ERI1: variants seen among roughly 807,000 people sequenced by gnomAD.
The protein encoded by ERI1 is exoribonuclease 1, also known as 3'-5' exoribonuclease 1.
Under a neutral mutation model 39.7 loss-of-function variants are expected in ERI1, and 39 were observed. The ratio of observed to expected loss-of-function variants is 0.98; its 90% CI spans 0.76 to 1.28. ERI1 has a LOEUF of 1.28. Among genes scored for constraint, ERI1 ranks in the 50% most tolerant of loss-of-function variants. The pLI is 0.00. For synonymous variants in ERI1, 204 were observed against 149.6 expected (o/e 1.36, Z -2.65); for missense variants, 581 against 416.9 (o/e 1.39, Z -3.43).
intron 3 of ERI1, among the ~76,000 whole-genome samples, chr8:9,082,258 T>C (rs1160781566): frequency 1.3e-5 from 2 of 152,208 alleles, no homozygotes; most frequent in African/African-American, 4.8e-5. Flanking sequence ...TTCCTCTTAC[T>C]CCTTTTACCA....
At chr8:9,052,664 C>G (rs1215619612) in intron 3 of ERI1, among the ~76,000 whole-genome samples, 2 of 152,186 alleles carry the variant, frequency 1.3e-5, no homozygotes, top group African/African-American at 2.4e-5. Flanking sequence ...AAACTGCAAT[C>G]AAGAGATTTA....
At position 9,009,887 on chromosome 8, in the gene ERI1, G is replaced by T. The variant is rs78842105; in HGVS notation, c.288-1655G>T. 8.8e-3 allele frequency among the ~76,000 whole-genome samples: 1,347 copies of T among 152,312 alleles called. 19 individuals are homozygous for T. The highest frequency in any genetic ancestry group is 0.031 in the African/African-American group (1,293 of 41,552). On this transcript the variant is annotated intron_variant, in intron 2 of 6. Transcript: ENST00000250263. Reference sequence around the variant, plus strand: ...AGTACACAGTATACCTCAGGAACATGTGACAATGATAGTGAAATGATAGGT... The same window carrying T: ...AGTACACAGTATACCTCAGGAACATTTGACAATGATAGTGAAATGATAGGT...
At chr8:9,046,221 G>C (rs1442775427) in intron 3 of ERI1, among the ~76,000 whole-genome samples, 1 of 152,172 alleles carries the variant, frequency 6.6e-6, no homozygotes, top group Non-Finnish European at 1.5e-5. Flanking sequence ...CCTGAGAAGC[G>C]GTTCTGAAAG....
chr8:9,071,107 TG>T (rs1417911583), intron 3 of ERI1, among the ~76,000 whole-genome samples: 1 of 152,232 alleles, frequency 6.6e-6, no homozygotes, highest in African/African-American at 2.4e-5. Flanking sequence ...AGAGAACTGT[TG>T]CTAAGATTAT....
chr8:9,046,816 A>G (rs1013789721), intron 3 of ERI1, among the ~76,000 whole-genome samples: 1 of 152,172 alleles, frequency 6.6e-6, no homozygotes, highest in African/African-American at 2.4e-5. Flanking sequence ...CACTCTCACA[A>G]GCAGGGCCCA....
At chr8:9,053,611 A>C (rs1798423585) in intron 3 of ERI1, among the ~76,000 whole-genome samples, 1 of 152,200 alleles carries the variant, frequency 6.6e-6, no homozygotes, top group South Asian at 2.1e-4. Flanking sequence ...ATGAACCTGA[A>C]GCAGTCATGG....
In ERI1 at chr8:9,029,402, C is replaced by A. The variant is rs945540128; in HGVS notation, c.808-390C>A. On this transcript the variant is annotated intron_variant, in intron 6 of 6. Transcript: ENST00000250263. ...GGAGTGCATTGGCATGATCTCAGCT[C>A]GCTGCAGCCTCCACCTCCCAGGTTC... Among the ~76,000 whole-genome samples, 13 of 152,144 alleles carry A rather than the reference C, an allele frequency of 8.5e-5. 1 individual carries two copies. Among genetic ancestry groups the A allele is most frequent in the Admixed American group, 2.6e-4 (4 of 15,270 alleles).
chr8:9,095,805 C>T (rs372067249), intron 3 of ERI1, among the ~76,000 whole-genome samples: 6 of 152,082 alleles, frequency 3.9e-5, no homozygotes, highest in African/African-American at 7.2e-5. Context: ...ACACTGCGCT[C>T]GGCCAGGACA....
At chr8:9,055,227 A>G (rs1366608955) in intron 3 of ERI1, among the ~76,000 whole-genome samples, 4 of 152,208 alleles carry the variant, frequency 2.6e-5, no homozygotes, top group Non-Finnish European at 4.4e-5. Flanking sequence ...TTTGAATGCA[A>G]TTTAAACAGT....
At position 9,095,554 on chromosome 8, in the gene ERI1, G is replaced by A. The variant is rs112167816; in HGVS notation, n.300-20794G>A. On this transcript the variant is annotated intron_variant and non_coding_transcript_variant, in intron 3 of 3. Transcript: ENST00000518663. ...GGGGTCTCACTCTGAAACCCAGGCT[G>A]GAGTGCAGTAGCCTGATAATGGTTT... is the stretch of plus-strand genomic sequence containing the variant. Among the ~76,000 whole-genome samples the A allele has an allele frequency of 6.0e-3, 918 of 152,176 alleles. 8 individuals are homozygous for A. Among genetic ancestry groups the A allele is most frequent in the Non-Finnish European group, 1.0e-2 (678 of 68,012 alleles).
chr8:9,062,150 T>C (rs1263587620), intron 3 of ERI1, among the ~76,000 whole-genome samples: 2 of 152,144 alleles, frequency 1.3e-5, no homozygotes, highest in Non-Finnish European at 2.9e-5. Flanking sequence ...GAAAACAGGC[T>C]TTAATCTTTT....
At position 9,011,581 on chromosome 8, in the gene ERI1, T is replaced by C. The variant is rs763027684; in HGVS notation, c.327T>C (p.Tyr109=). The C allele has an allele frequency of 2.8e-5, 45 of 1,612,762 alleles. No individual in the cohort carries two copies. The highest frequency in any genetic ancestry group is 1.3e-4 in the Admixed American group (8 of 59,882). The change falls in exon 3 of 7, where the codon TAT becomes TAC. Residue 109 remains tyrosine (Y), a synonymous_variant. Transcript: ENST00000250263. ...TTCTAAAGAAGAGACTGAAAAACTATTATAAGAAGCAGAAGCTGATGCTGA... is the reference window on the plus strand; with the variant it reads ...TTCTAAAGAAGAGACTGAAAAACTACTATAAGAAGCAGAAGCTGATGCTGA... ...KDVLKKRLKN[Y]YKKQKLMLKE...
At chr8:9,053,856 C>G (rs1798430338) in intron 3 of ERI1, among the ~76,000 whole-genome samples, 1 of 152,214 alleles carries the variant, frequency 6.6e-6, no homozygotes, top group Non-Finnish European at 1.5e-5. Context: ...GCCAAGTCCT[C>G]TATTGCCTCC....
At chr8:9,049,336 C>CAAAAAAAAAAAAAAAA (rs3989371) in intron 3 of ERI1, among the ~76,000 whole-genome samples, 1 of 33,230 alleles carries the variant, frequency 3.0e-5, no homozygotes, top group Non-Finnish European at 5.3e-5. Flanking sequence ...ACTCCGTCTC[C>CAAAAAAAAAAAAAAAA]AAAAAAAAAA....
At chr8:9,013,095 A>G (rs565964242) in intron 3 of ERI1, among the ~76,000 whole-genome samples, 5 of 151,782 alleles carry the variant, frequency 3.3e-5, no homozygotes, top group African/African-American at 7.3e-5. Context: ...GCTGACTGCA[A>G]CCTCCACCTC....
At chr8:9,066,464 C>T (rs373438996) in intron 3 of ERI1, among the ~76,000 whole-genome samples, 2 of 152,166 alleles carry the variant, frequency 1.3e-5, no homozygotes, top group East Asian at 3.9e-4. Flanking sequence ...GGCCAGTGGG[C>T]ACCTGATGAC....
intron 3 of ERI1, among the ~76,000 whole-genome samples, chr8:9,081,286 T>C (rs1799357836): frequency 6.6e-6 from 1 of 152,188 alleles, no homozygotes; most frequent in African/African-American, 2.4e-5. Context: ...CCAAACAATA[T>C]CACTGGAGAT....
rs1815522065 is a variant in ERI1 at position 9,002,945 on chromosome 8, G to A, written c.-119G>A. On this transcript the variant is annotated 5_prime_UTR_variant, in exon 1 of 7. Coordinates refer to ENST00000250263, the MANE Select transcript of ERI1 (RefSeq NM_153332.4). ...GGCCGCTGGAGTTTGTGTGGCCGCC[G>A]CCGCGGGAACGCGAGCCCGGTAATT... 2 of 732,138 alleles carry A rather than the reference G, an allele frequency of 2.7e-6. No homozygotes were observed. Among genetic ancestry groups the A allele is most frequent in the Non-Finnish European group, 1.9e-6 (1 of 530,550 alleles). The allele number at this position is 732,138 out of a possible 1,614,324, so 45.4% of individuals were successfully genotyped here.
chr8:9,092,547 T>G (rs1799741422), intron 3 of ERI1, among the ~76,000 whole-genome samples: 1 of 152,186 alleles, frequency 6.6e-6, no homozygotes, highest in African/African-American at 2.4e-5. Flanking sequence ...CACTGAAGAT[T>G]ACGGGGAATC....
Sources: allele counts gnomAD v4.1 joint callset (sites outside exome capture counted in the v4.1 genomes callset), GRCh38; gene constraint gnomAD v4.1.1; transcripts MANE v1.5; gene names NCBI Gene and HGNC (gene_info 2026-07-23, HGNC 2026-07-21).